ZNF385D: variants seen among roughly 807,000 people sequenced by gnomAD.
ZNF385D encodes the protein zinc finger protein 659.
Under a neutral mutation model 35.8 loss-of-function variants are expected in ZNF385D, and 15 were observed. The ratio of observed to expected loss-of-function variants is 0.42; its 90% CI spans 0.28 to 0.64. ZNF385D has a LOEUF of 0.64. Ranked by LOEUF, ZNF385D falls within the 30% of genes least tolerant of loss-of-function variation. The pLI, the probability that ZNF385D is intolerant of heterozygous loss-of-function variation, is 0.23. For missense variants in ZNF385D, 474 were observed against 494.6 expected (o/e 0.96, Z 0.39); for synonymous variants, 212 against 186.8 (o/e 1.13, Z -1.10).
chr3:22,159,421 A>G (rs959206656), intron 3 of ZNF385D, among the ~76,000 whole-genome samples: 1 of 152,184 alleles, frequency 6.6e-6, no homozygotes, highest in South Asian at 2.1e-4. Context: ...AGAGTAACCT[A>G]TTGGATGGAT....
At chr3:22,230,984 G>A (rs1698854816) in intron 2 of ZNF385D, among the ~76,000 whole-genome samples, 1 of 151,946 alleles carries the variant, frequency 6.6e-6, no homozygotes, top group African/African-American at 2.4e-5. Context: ...TTCCCAGAAG[G>A]GCAATCTCTC....
chr3:21,892,998 T>C (rs1698954636), intron 3 of ZNF385D, among the ~76,000 whole-genome samples: 1 of 152,146 alleles, frequency 6.6e-6, no homozygotes. Flanking sequence ...ATTTTTACAA[T>C]AAACTCCAAT....
intron 3 of ZNF385D, 25 bp from the exon 4 acceptor site, chr3:21,511,048 A>G (rs1220502578): frequency 6.2e-7 from 1 of 1,613,098 alleles, no homozygotes; most frequent in African/African-American, 1.3e-5. Flanking sequence ...AAAATGAACC[A>G]TGCAATCAGG....
intron 3 of ZNF385D, among the ~76,000 whole-genome samples, chr3:21,542,587 A>T (rs2125566320): frequency 6.6e-6 from 1 of 152,138 alleles, no homozygotes; most frequent in East Asian, 1.9e-4. Flanking sequence ...CCTGCCAGTG[A>T]TCCTCTTACT....
intron 2 of ZNF385D, among the ~76,000 whole-genome samples, chr3:21,648,654 C>T (rs533995304): frequency 7.8e-4 from 118 of 152,248 alleles, no homozygotes; most frequent in African/African-American, 2.6e-3. Flanking sequence ...CTTATGATTA[C>T]TTGCTTGAAA....
At chr3:22,012,544 C>G (rs1305305524) in intron 3 of ZNF385D, among the ~76,000 whole-genome samples, 1 of 151,922 alleles carries the variant, frequency 6.6e-6, no homozygotes, top group Non-Finnish European at 1.5e-5. Flanking sequence ...AAATATTACC[C>G]CTAGATTGTA....
At chr3:22,085,475 G>C (rs1700981651) in intron 3 of ZNF385D, among the ~76,000 whole-genome samples, 1 of 152,112 alleles carries the variant, frequency 6.6e-6, no homozygotes, top group African/African-American at 2.4e-5. Context: ...AGAAAATCTA[G>C]AAGAAATGGA....
At chr3:22,142,604 A>G (rs1704576936) in intron 3 of ZNF385D, among the ~76,000 whole-genome samples, 1 of 152,118 alleles carries the variant, frequency 6.6e-6, no homozygotes, top group Non-Finnish European at 1.5e-5. Flanking sequence ...CGAGAAACAT[A>G]TCCGCACAGA....
intron 3 of ZNF385D, among the ~76,000 whole-genome samples, chr3:21,772,196 G>A (rs949110660): frequency 6.6e-6 from 1 of 151,830 alleles, no homozygotes; most frequent in Admixed American, 6.6e-5. Context: ...CACAGAAAAG[G>A]CATAGGAAAT....
chr3:21,471,277 TCTCTCTCTCTCTCTCTCTCACACA>T (rs1284523565), intron 4 of ZNF385D, among the ~76,000 whole-genome samples: 12 of 23,420 alleles, frequency 5.1e-4, no homozygotes, highest in Non-Finnish European at 6.4e-4. Context: ...TCTCTCTTTC[TCTCTCTCTCTCTCTCTCTCACACA>T]CACACACACA....
chr3:22,039,949 A>G (rs1399545679), intron 3 of ZNF385D, among the ~76,000 whole-genome samples: 1 of 152,140 alleles, frequency 6.6e-6, no homozygotes, highest in Admixed American at 6.5e-5. Flanking sequence ...AGCCATTACG[A>G]TACCTAGCAG....
At chr3:21,866,341 C>T (rs1697360599) in intron 3 of ZNF385D, among the ~76,000 whole-genome samples, 2 of 152,142 alleles carry the variant, frequency 1.3e-5, no homozygotes, top group African/African-American at 4.8e-5. Context: ...GTAATCGCAG[C>T]TACTTGGGAG....
intron 3 of ZNF385D, among the ~76,000 whole-genome samples, chr3:21,794,862 G>A (rs1364002166): frequency 1.3e-5 from 2 of 152,160 alleles, no homozygotes; most frequent in South Asian, 2.1e-4. Flanking sequence ...ACCTCTCTGA[G>A]CTTCATCTGA....
At chr3:21,883,361 C>A (rs890599731) in intron 3 of ZNF385D, among the ~76,000 whole-genome samples, 26 of 151,998 alleles carry the variant, frequency 1.7e-4, no homozygotes, top group Non-Finnish European at 2.9e-4. Context: ...AAAAATAAAA[C>A]TAAATGATTT....
intron 3 of ZNF385D, among the ~76,000 whole-genome samples, chr3:22,057,554 G>A (rs1182889731): frequency 6.7e-6 from 1 of 149,188 alleles, no homozygotes; most frequent in African/African-American, 2.5e-5. Flanking sequence ...TTGTTGCCCA[G>A]GCTGGAGTGC....
chr3:21,833,588 C>A (rs913905315), intron 3 of ZNF385D, among the ~76,000 whole-genome samples: 1 of 152,178 alleles, frequency 6.6e-6, no homozygotes, highest in Non-Finnish European at 1.5e-5. Flanking sequence ...TTTTGGACTT[C>A]TGACCCTCAG....
intron 2 of ZNF385D, among the ~76,000 whole-genome samples, chr3:21,600,177 C>A (rs1210768456): frequency 6.6e-6 from 1 of 152,124 alleles, no homozygotes; most frequent in East Asian, 1.9e-4. Context: ...AAAGAAATAA[C>A]CATAAAAATG....
intron 2 of ZNF385D, among the ~76,000 whole-genome samples, chr3:22,330,922 A>G (rs1694902636): frequency 6.6e-6 from 1 of 152,222 alleles, no homozygotes; most frequent in African/African-American, 2.4e-5. Context: ...GCATCAGCCC[A>G]ACTTTTGACT....
chr3:21,425,506 T>A lies in ZNF385D; in HGVS notation c.838A>T (p.Thr280Ser). The A allele has an allele frequency of 6.2e-7, 1 of 1,600,186 alleles. No homozygotes were observed. Among genetic ancestry groups the A allele is most frequent in the South Asian group, 1.1e-5 (1 of 88,772 alleles). Residue 280 changes from threonine (T) to serine (S), a missense_variant, in exon 6 of 8, where the codon ACG (threonine) becomes TCG (serine). Transcript: ENST00000281523. ...GTGCTGTTTACCTGTTTAAGTTGCGTTTCCGAGTTGACGTGCACATCACAG... is the reference window on the plus strand; with the variant it reads ...GTGCTGTTTACCTGTTTAAGTTGCGATTCCGAGTTGACGTGCACATCACAG... ...EICDVHVNSE[T>S]QLKQHISSRR...
Sources: allele counts gnomAD v4.1 joint callset (sites outside exome capture counted in the v4.1 genomes callset), GRCh38; gene constraint gnomAD v4.1.1; transcripts MANE v1.5; gene names NCBI Gene and HGNC (gene_info 2026-07-23, HGNC 2026-07-21).